CADM2: variants seen among roughly 807,000 people sequenced by gnomAD.
CADM2 encodes immunoglobulin superfamily member 4D.
Under a neutral mutation model 49.8 loss-of-function variants are expected in CADM2, and 12 were observed. That is an observed-to-expected ratio of 0.24 (90% CI 0.15 to 0.39). The LOEUF (loss-of-function observed/expected upper bound fraction) is 0.39. CADM2 is among the 10% of genes least tolerant of loss of function. The pLI is 1.00. For missense variants in CADM2, 378 were observed against 492.3 expected (o/e 0.77, Z 2.20); for synonymous variants, 214 against 175.4 (o/e 1.22, Z -1.74).
intron 1 of CADM2, among the ~76,000 whole-genome samples, chr3:85,451,684 T>G (rs1253474558): frequency 6.6e-6 from 1 of 152,142 alleles, no homozygotes; most frequent in East Asian, 1.9e-4. Context: ...GTGAATGGAT[T>G]ATCCATTTGG....
intron 1 of CADM2, among the ~76,000 whole-genome samples, chr3:85,414,185 C>T (rs2035806641): frequency 6.6e-6 from 1 of 152,118 alleles, no homozygotes; most frequent in African/African-American, 2.4e-5. Context: ...TTATTTGTGA[C>T]ATTAATGTGT....
chr3:85,791,544 A>AC, intron 2 of CADM2, among the ~76,000 whole-genome samples: 1 of 100,002 alleles, frequency 1.0e-5, no homozygotes, highest in East Asian at 3.4e-4. Context: ...GAGAGAGAGA[A>AC]AGAGAGAGAG....
intron 1 of CADM2, among the ~76,000 whole-genome samples, chr3:85,664,746 C>A (rs2065514145): frequency 6.6e-6 from 1 of 151,932 alleles, no homozygotes; most frequent in Admixed American, 6.6e-5. Flanking sequence ...AACCTAGAGT[C>A]CTTAGATCAG....
chr3:85,356,522 A>G (rs1375225670), intron 1 of CADM2, among the ~76,000 whole-genome samples: 2 of 152,126 alleles, frequency 1.3e-5, no homozygotes, highest in African/African-American at 4.8e-5. Flanking sequence ...GATTTTAAGT[A>G]GAAAAGATAA....
intron 7 of CADM2, among the ~76,000 whole-genome samples, chr3:85,939,798 A>G (rs558590242): frequency 3.4e-5 from 5 of 148,364 alleles, no homozygotes; most frequent in South Asian, 2.2e-4. Context: ...TGTTCTTGCC[A>G]TAAATCTAGT....
intron 1 of CADM2, among the ~76,000 whole-genome samples, chr3:85,621,072 G>A (rs537808901): frequency 6.6e-6 from 1 of 152,128 alleles, no homozygotes; most frequent in African/African-American, 2.4e-5. Context: ...ATAATGGGAG[G>A]CATCCCCTTA....
chr3:85,012,655 G>GTACAAAAAGAAAATA (rs2107260151), intron 1 of CADM2, among the ~76,000 whole-genome samples: 1 of 150,684 alleles, frequency 6.6e-6, no homozygotes, highest in East Asian at 1.9e-4. Context: ...TCTTCATAAA[G>GTACAAAAAGAAAATA]TACAAAAAGA....
At chr3:85,224,362 AT>A (rs373397145) in intron 1 of CADM2, among the ~76,000 whole-genome samples, 1 of 152,078 alleles carries the variant, frequency 6.6e-6, no homozygotes, top group Non-Finnish European at 1.5e-5. Context: ...GATGATGAGC[AT>A]TTTTTCATAA....
chr3:85,432,746 C>T (rs956310479), intron 1 of CADM2, among the ~76,000 whole-genome samples: 24 of 152,124 alleles, frequency 1.6e-4, no homozygotes, highest in Non-Finnish European at 2.6e-4. Flanking sequence ...TATAGCATTA[C>T]ATTCTTGTAA....
intron 1 of CADM2, among the ~76,000 whole-genome samples, chr3:85,462,631 A>G (rs1026533438): frequency 1.4e-4 from 21 of 152,158 alleles, no homozygotes; most frequent in African/African-American, 4.3e-4. Flanking sequence ...CACTAGCATC[A>G]TATCTCAGTA....
At chr3:85,197,131 G>A (rs1333910708) in intron 1 of CADM2, among the ~76,000 whole-genome samples, 1 of 151,804 alleles carries the variant, frequency 6.6e-6, no homozygotes, top group African/African-American at 2.4e-5. Flanking sequence ...ATTGAAGAAG[G>A]AAGAATCAAA....
intron 1 of CADM2, among the ~76,000 whole-genome samples, chr3:85,012,465 C>G (rs1043904075): frequency 2.0e-5 from 3 of 149,266 alleles, no homozygotes; most frequent in Non-Finnish European, 3.0e-5. Flanking sequence ...TGCAAAATAG[C>G]ATATATGACA....
chr3:85,738,679 A>G (rs999382823), intron 2 of CADM2, among the ~76,000 whole-genome samples: 2 of 152,202 alleles, frequency 1.3e-5, no homozygotes, highest in African/African-American at 2.4e-5. Flanking sequence ...CTTTTTAAAT[A>G]TAACAGACAG....
intron 1 of CADM2, among the ~76,000 whole-genome samples, chr3:85,564,086 T>C (rs1416314470): frequency 6.6e-6 from 1 of 152,124 alleles, no homozygotes; most frequent in African/African-American, 2.4e-5. Flanking sequence ...TCCCTATTCA[T>C]GTTGCTTAGC....
intron 3 of CADM2, among the ~76,000 whole-genome samples, chr3:85,812,656 C>T (rs904889750): frequency 1.3e-5 from 2 of 152,030 alleles, no homozygotes; most frequent in African/African-American, 4.8e-5. Flanking sequence ...CACATCAACC[C>T]ATCACCTACA....
Position 85,073,192 on chromosome 3 carries a change from C to T in CADM2, c.61+113524C>T, listed in dbSNP as rs564871245. Among the ~76,000 whole-genome samples the T allele has an allele frequency of 1.4e-4, 22 of 152,142 alleles. No individual in the cohort carries two copies. The South Asian group carries it at 2.7e-3, about 19-fold the overall frequency. Reference sequence around the variant, plus strand: ...GAATCAGCATAAAGACCTGAAGGTGCGTTGAGTTTTGTTTCTGGAGATAGT... The same window carrying T: ...GAATCAGCATAAAGACCTGAAGGTGTGTTGAGTTTTGTTTCTGGAGATAGT... On this transcript the variant is annotated intron_variant, in intron 1 of 9. Transcript: ENST00000383699.
chr3:85,111,424 A>G (rs920556449), intron 1 of CADM2, among the ~76,000 whole-genome samples: 1 of 151,910 alleles, frequency 6.6e-6, no homozygotes, highest in Non-Finnish European at 1.5e-5. Context: ...CCTATTATCT[A>G]TGTTTACATG....
intron 8 of CADM2, among the ~76,000 whole-genome samples, chr3:86,041,554 C>G (rs962257937): frequency 6.6e-5 from 10 of 152,094 alleles, no homozygotes; most frequent in African/African-American, 2.4e-4. Flanking sequence ...TATATGCACC[C>G]AATATAGGAG....
rs1389651354 is a variant in CADM2, at chr3:84,983,017, G to A, written c.61+23349G>A. ...CCGCTTCAGCCTCCCAAAGTCCTGG[G>A]ATTACAGGCCTGAGCCACTGCGCCC... On this transcript the variant is annotated intron_variant, in intron 1 of 9. Transcript: ENST00000383699. Among the ~76,000 whole-genome samples the A allele has an allele frequency of 2.0e-5, 3 of 151,524 alleles. No individual in the cohort carries two copies. In the East Asian group the frequency reaches 5.8e-4, roughly 29 times the overall value.
Sources: gnomAD v4.1 joint callset for allele counts (sites outside exome capture counted in the v4.1 genomes callset) on GRCh38, gnomAD v4.1.1 for gene constraint, MANE v1.5 for transcripts, NCBI Gene and HGNC (gene_info 2026-07-23, HGNC 2026-07-21) for gene names.